ALPK2: variants seen among roughly 807,000 people sequenced by gnomAD.
The protein encoded by ALPK2 is alpha kinase 2.
A neutral mutation model predicts 163.1 loss-of-function variants in ALPK2; 127 were observed. That is an observed-to-expected ratio of 0.78 (90% CI 0.67 to 0.90). The LOEUF is 0.90. ALPK2 is among the 40% of genes least tolerant of loss of function. The pLI is 0.00. For synonymous variants in ALPK2, 953 were observed against 959.1 expected (o/e 0.99, Z 0.12); for missense variants, 2,360 against 2,589.6 (o/e 0.91, Z 1.92).
At chr18:58,525,285 C>T (rs1349815572) in intron 6 of ALPK2, among the ~76,000 whole-genome samples, 1 of 152,174 alleles carries the variant, frequency 6.6e-6, no homozygotes, top group Non-Finnish European at 1.5e-5. Context: ...GGTCTCTGAA[C>T]ATATCCCACT....
At chr18:58,594,878 G>A (rs1035990207) in intron 3 of ALPK2, among the ~76,000 whole-genome samples, 3 of 152,116 alleles carry the variant, frequency 2.0e-5, no homozygotes, top group African/African-American at 4.8e-5. Flanking sequence ...CTGAATTACC[G>A]CGATGGTTGC....
intron 4 of ALPK2, among the ~76,000 whole-genome samples, chr18:58,551,116 A>T (rs546906897): frequency 6.6e-6 from 1 of 151,772 alleles, no homozygotes. Context: ...AATGGAAAAA[A>T]AAAAACCCAC....
At chr18:58,526,329 C>A (rs1276560385) in intron 6 of ALPK2, among the ~76,000 whole-genome samples, 1 of 152,156 alleles carries the variant, frequency 6.6e-6, no homozygotes, top group Non-Finnish European at 1.5e-5. Context: ...ATCACCAGCC[C>A]TAAGGAGCCA....
intron 4 of ALPK2, among the ~76,000 whole-genome samples, chr18:58,575,599 C>T (rs943348524): frequency 1.7e-4 from 26 of 152,152 alleles, no homozygotes; most frequent in African/African-American, 6.0e-4. Context: ...GTGTGGCTGC[C>T]GAGAAACTTA....
In ALPK2 at chr18:58,553,597, G is replaced by A. The variant is rs75051298; in HGVS notation, c.1963-15373C>T. On this transcript the variant is annotated intron_variant, in intron 4 of 12. Coordinates refer to ENST00000361673, the MANE Select transcript of ALPK2 (RefSeq NM_052947.4). ...CAGGTGGAGGTAATTGAACAATGGGGGCGGTTTCTCCCAAGCTGTTCTCAT... is the reference window on the plus strand; with the variant it reads ...CAGGTGGAGGTAATTGAACAATGGGAGCGGTTTCTCCCAAGCTGTTCTCAT... Among the ~76,000 whole-genome samples, 27 of 152,252 alleles carry A rather than the reference G, an allele frequency of 1.8e-4. No individual in the cohort carries two copies. In the East Asian group the frequency reaches 3.7e-3, roughly 21 times the overall value.
At chr18:58,602,610 A>G (rs2144222647) in intron 3 of ALPK2, among the ~76,000 whole-genome samples, 1 of 152,172 alleles carries the variant, frequency 6.6e-6, no homozygotes, top group South Asian at 2.1e-4. Flanking sequence ...TTTTAAAAGT[A>G]TACCAGTCAT....
intron 4 of ALPK2, chr18:58,566,424 G>A (rs2051853395): frequency 6.6e-6 from 1 of 152,174 alleles, no homozygotes; most frequent in Non-Finnish European, 1.5e-5. Flanking sequence ...CTTGATATAT[G>A]ATTGGGTTAG....
At chr18:58,624,717 A>G (rs1395623626) in intron 1 of ALPK2, among the ~76,000 whole-genome samples, 1 of 152,096 alleles carries the variant, frequency 6.6e-6, no homozygotes, top group Non-Finnish European at 1.5e-5. Context: ...GCCTCCCAAA[A>G]TGCTGGAATT....
Position 58,613,538 on chromosome 18 carries a change from C to G in ALPK2, c.-20-1721G>C, listed in dbSNP as rs139744945. Among the ~76,000 whole-genome samples the G allele has an allele frequency of 1.4e-3, 217 of 151,744 alleles. 2 individuals are homozygous for G. The highest frequency in any genetic ancestry group is 3.1e-3 in the Admixed American group (47 of 15,258). On this transcript the variant is annotated intron_variant, in intron 1 of 12. Coordinates refer to ENST00000361673, the MANE Select transcript of ALPK2 (RefSeq NM_052947.4). ...TGAAACCCTGTCTCTACTGAAAATA[C>G]AAAAATTAGCTGGGCATGGTGACTC...
chr18:58,582,783 C>T (rs1388442475), intron 3 of ALPK2, among the ~76,000 whole-genome samples: 1 of 151,728 alleles, frequency 6.6e-6, no homozygotes, highest in Non-Finnish European at 1.5e-5. Context: ...AAAGATGGGA[C>T]ATTTTGAAGT....
intron 11 of ALPK2, among the ~76,000 whole-genome samples, chr18:58,499,420 AC>A (rs895841542): frequency 3.3e-5 from 5 of 151,850 alleles, no homozygotes; most frequent in African/African-American, 1.2e-4. Flanking sequence ...CTCTCACTCT[AC>A]CCCCAGTCTC....
At chr18:58,531,863 G>T (rs1251554093) in intron 5 of ALPK2, among the ~76,000 whole-genome samples, 1 of 147,322 alleles carries the variant, frequency 6.8e-6, no homozygotes, top group Non-Finnish European at 1.5e-5. Flanking sequence ...GCTTGAACCA[G>T]GAGGTGGAGG....
At chr18:58,596,341 G>C (rs569943848) in intron 3 of ALPK2, among the ~76,000 whole-genome samples, 1 of 152,300 alleles carries the variant, frequency 6.6e-6, no homozygotes, top group African/African-American at 2.4e-5. Context: ...CTGCCTGGCT[G>C]CCACCTCCTG....
At chr18:58,531,126 T>A (rs1339431643) in intron 5 of ALPK2, among the ~76,000 whole-genome samples, 2 of 152,020 alleles carry the variant, frequency 1.3e-5, no homozygotes, top group African/African-American at 4.8e-5. Flanking sequence ...GCACAGGAGT[T>A]CAAGGCTGCG....
intron 3 of ALPK2, among the ~76,000 whole-genome samples, chr18:58,590,203 G>A (rs1241544414): frequency 7.6e-6 from 1 of 131,534 alleles, no homozygotes; most frequent in Non-Finnish European, 1.5e-5. Context: ...CTGGGCGACA[G>A]AGCGAGGCTC....
chr18:58,580,014 A>T lies in ALPK2; in HGVS notation c.762T>A (p.Asp254Glu). ...DGDLNNDGPH[D>E]EGLRSSQQNP... Reference sequence around the variant, plus strand: ...TTTGCTGACTAGAGCGTAAGCCTTCATCATGAGGACCATCATTGTTCAGGT... The same window carrying T: ...TTTGCTGACTAGAGCGTAAGCCTTCTTCATGAGGACCATCATTGTTCAGGT... Residue 254 changes from aspartate (D) to glutamate (E), a missense_variant, in exon 4 of 13, where the codon GAT becomes GAA. Transcript: ENST00000361673. The T allele has an allele frequency of 1.2e-6, 2 of 1,614,264 alleles. No individual in the cohort carries two copies. Among genetic ancestry groups the T allele is most frequent in the Non-Finnish European group, 1.7e-6 (2 of 1,180,046 alleles).
Position 58,502,134 on chromosome 18 carries a change from CCACACACACA to C in ALPK2, c.6247+1787_6247+1796del, listed in dbSNP as rs71173056. 2.7e-3 allele frequency among the ~76,000 whole-genome samples: 316 copies of C among 118,822 alleles called. 1 individual carries two copies. Among genetic ancestry groups the C allele is most frequent in the Non-Finnish European group, 3.4e-3 (203 of 59,986 alleles). The allele number at this position is 118,822 out of a possible 152,430, so 78.0% of individuals were successfully genotyped here. A position where few individuals can be genotyped will look rare whatever the true frequency, so the allele number is the denominator to read the frequency against. Reference sequence around the variant, plus strand: ...TGAGCAACAAAGTGAAACCCCATCTCCACACACACACACACACACACACACACACACACAC... The same window carrying C: ...TGAGCAACAAAGTGAAACCCCATCTCCACACACACACACACACACACACAC... On this transcript the variant is annotated intron_variant, in intron 11 of 12. Transcript: ENST00000361673.
intron 4 of ALPK2, among the ~76,000 whole-genome samples, chr18:58,569,574 C>A (rs2051874407): frequency 1.3e-5 from 2 of 152,176 alleles, no homozygotes; most frequent in Non-Finnish European, 2.9e-5. Context: ...ACCAGCTGGT[C>A]CGCGGACTAC....
intron 8 of ALPK2, 50 bp downstream of exon 8, chr18:58,523,756 G>A: frequency 6.2e-7 from 1 of 1,611,086 alleles, no homozygotes; most frequent in Non-Finnish European, 8.5e-7. Context: ...GCTATTTTAT[G>A]CTTTACAGTA....
Sources: allele counts gnomAD v4.1 joint callset (sites outside exome capture counted in the v4.1 genomes callset), GRCh38; gene constraint gnomAD v4.1.1; transcripts MANE v1.5; gene names NCBI Gene and HGNC (gene_info 2026-07-23, HGNC 2026-07-21).